CBFA2T2: variants seen among roughly 807,000 people sequenced by gnomAD.
CBFA2T2 encodes the protein CBFA2/RUNX1 partner transcriptional co-repressor 2.
A neutral mutation model predicts 62.2 loss-of-function variants in CBFA2T2; 11 were observed. The observed-to-expected ratio is 0.18, with a 90% CI of 0.11 to 0.29. The LOEUF is 0.29. Among genes scored for constraint, CBFA2T2 ranks in the 10% least tolerant of loss-of-function variants. The pLI, the probability that CBFA2T2 is intolerant of heterozygous loss-of-function variation, is 1.00. For missense variants in CBFA2T2, 592 were observed against 774.1 expected, an observed-to-expected ratio of 0.76 and a Z score of 2.79; for synonymous variants, 295 against 287.5, an observed-to-expected ratio of 1.03 and a Z score of -0.27.
chr20:33,538,860 T>A (rs536645381), intron 1 of CBFA2T2, among the ~76,000 whole-genome samples: 45 of 152,200 alleles, frequency 3.0e-4, no homozygotes, highest in Non-Finnish European at 6.0e-4. Context: ...TTTTTTTTTT[T>A]AATTAGTTAA....
At chr20:33,605,472 T>C (rs1229759353) in intron 1 of CBFA2T2, among the ~76,000 whole-genome samples, 1 of 152,224 alleles carries the variant, frequency 6.6e-6, no homozygotes, top group African/African-American at 2.4e-5. Context: ...CAAGTTCTCT[T>C]TGATAGGGAA....
rs148524370 is a variant in CBFA2T2 at position 33,510,559 on chromosome 20, G to A, written c.34+20258G>A. Among the ~76,000 whole-genome samples the A allele has an allele frequency of 2.8e-3, 427 of 152,180 alleles. 1 individual carries two copies. The highest frequency in any genetic ancestry group is 9.8e-3 in the African/African-American group (409 of 41,546). On this transcript the variant is annotated intron_variant, in intron 1 of 10. Coordinates refer to ENST00000342704, the MANE Select transcript of CBFA2T2 (RefSeq NM_001032999.3). ...ATTGATGGACATTTGGGTTGGTTCCGAGTCTTTGCTATTGTGAATAGTGCC... is the reference window on the plus strand; with the variant it reads ...ATTGATGGACATTTGGGTTGGTTCCAAGTCTTTGCTATTGTGAATAGTGCC...
intron 1 of CBFA2T2, among the ~76,000 whole-genome samples, chr20:33,546,045 C>T (rs1383760415): frequency 6.6e-6 from 1 of 152,146 alleles, no homozygotes; most frequent in Non-Finnish European, 1.5e-5. Context: ...TGCAAGCCTA[C>T]CATGTGGTAG....
intron 8 of CBFA2T2, among the ~76,000 whole-genome samples, chr20:33,633,243 A>G (rs1012126880): frequency 6.6e-6 from 1 of 152,044 alleles, no homozygotes; most frequent in Non-Finnish European, 1.5e-5. Flanking sequence ...ATGGTAGCAC[A>G]TGCCTGTACT....
Position 33,501,630 on chromosome 20 carries a change from C to CTTTTTTTTTTTTTT in CBFA2T2, c.34+11344_34+11357dup, listed in dbSNP as rs869281966. ...AGTTGAAACTATATTCTTAGCCTTC[C>CTTTTTTTTTTTTTT]TTTTTTTTTTTTTTTTTTTTTTTTT... is the stretch of plus-strand genomic sequence containing the variant. On this transcript the variant is annotated intron_variant, in intron 1 of 10. Transcript: ENST00000342704. Among the ~76,000 whole-genome samples, 13 of 63,262 alleles carry CTTTTTTTTTTTTTT rather than the reference C, an allele frequency of 2.1e-4. 3 individuals carry two copies. Among genetic ancestry groups the CTTTTTTTTTTTTTT allele is most frequent in the East Asian group, 1.2e-3 (2 of 1,616 alleles). 41.5% of individuals were successfully genotyped at this position (63,262 alleles called of 152,430 possible).
intron 1 of CBFA2T2, among the ~76,000 whole-genome samples, chr20:33,539,416 G>A (rs1177265465): frequency 6.6e-6 from 1 of 152,112 alleles, no homozygotes; most frequent in African/African-American, 2.4e-5. Flanking sequence ...CTCTTTTCAG[G>A]CCCTCTGCAT....
chr20:33,616,748 G>A (rs527480082), intron 3 of CBFA2T2, among the ~76,000 whole-genome samples: 9 of 151,710 alleles, frequency 5.9e-5, no homozygotes, highest in Admixed American at 2.6e-4. Context: ...AAAGATGTAA[G>A]CATTGGAGAA....
At chr20:33,538,334 A>T (rs1191118501) in intron 1 of CBFA2T2, among the ~76,000 whole-genome samples, 1 of 151,610 alleles carries the variant, frequency 6.6e-6, no homozygotes, top group East Asian at 1.9e-4. Flanking sequence ...ACTTATTTTA[A>T]TAGCTTTTTG....
chr20:33,539,979 T>C (rs1435511628), intron 1 of CBFA2T2, among the ~76,000 whole-genome samples: 5 of 152,122 alleles, frequency 3.3e-5, no homozygotes, highest in Non-Finnish European at 5.9e-5. Flanking sequence ...CCTGTTTGTT[T>C]TTTGGTCAGA....
chr20:33,643,816 TA>T (rs2016947281), intron 10 of CBFA2T2, among the ~76,000 whole-genome samples: 3 of 50,698 alleles, frequency 5.9e-5, no homozygotes, highest in African/African-American at 2.3e-4. Context: ...TATATATATA[TA>T]GTATATAATG....
intron 1 of CBFA2T2, among the ~76,000 whole-genome samples, chr20:33,564,951 G>A (rs761949619): frequency 2.0e-5 from 3 of 151,814 alleles, no homozygotes; most frequent in Non-Finnish European, 2.9e-5. Context: ...ACGGAGTCTC[G>A]CTCTGTCACC....
At chr20:33,519,294 G>GC (rs2011666227) in intron 1 of CBFA2T2, among the ~76,000 whole-genome samples, 2 of 151,906 alleles carry the variant, frequency 1.3e-5, no homozygotes, top group South Asian at 4.2e-4. Context: ...ACAAGGTGAA[G>GC]CCCCATTTCT....
At chr20:33,528,230 G>A (rs900672445) in intron 1 of CBFA2T2, among the ~76,000 whole-genome samples, 3 of 152,198 alleles carry the variant, frequency 2.0e-5, no homozygotes, top group East Asian at 3.8e-4. Context: ...ACTGTGATAT[G>A]TATAAGACAA....
chr20:33,643,777 A>AG (rs1275325301), intron 10 of CBFA2T2, among the ~76,000 whole-genome samples: 1 of 9,584 alleles, frequency 1.0e-4, no homozygotes, highest in African/African-American at 5.5e-4. Flanking sequence ...ATATATATAT[A>AG]TATATATATA....
chr20:33,630,862 A>G (rs1397999685), intron 8 of CBFA2T2, among the ~76,000 whole-genome samples: 1 of 152,184 alleles, frequency 6.6e-6, no homozygotes, highest in Non-Finnish European at 1.5e-5. Flanking sequence ...TTAATACAGT[A>G]TGTACAGACA....
At chr20:33,628,542 C>G (rs2016335951) in intron 7 of CBFA2T2, 107 bp downstream of exon 7, 1 of 750,406 alleles carries the variant, frequency 1.3e-6, no homozygotes, top group East Asian at 2.6e-5. Flanking sequence ...GATCTCAGTT[C>G]ACTGCAACTT....
At chr20:33,597,918 G>C (rs935193131) in intron 1 of CBFA2T2, among the ~76,000 whole-genome samples, 9 of 152,164 alleles carry the variant, frequency 5.9e-5, no homozygotes, top group Admixed American at 1.3e-4. Context: ...TAAAGGGACA[G>C]AGTACAAAAG....
At chr20:33,643,739 A>C (rs1206458861) in intron 10 of CBFA2T2, among the ~76,000 whole-genome samples, 1 of 96,248 alleles carries the variant, frequency 1.0e-5, no homozygotes. Flanking sequence ...CAACATGGCA[A>C]AACCTCATCT....
chr20:33,636,645 CAG>C lies in CBFA2T2; in HGVS notation c.1241_1242del (p.Glu414ValfsTer24). On this transcript the variant is annotated frameshift_variant, in exon 9 of 11. Transcript: ENST00000342704. LOFTEE classifies it high-confidence loss of function. ...GSADSLSNDS[Q>X]REFNSRPGTG... ...TTTTTATGTCTCTTCTGCAGATTCT[CAG>C]AGAGAGTTCAACAGCAGGCCAGGTA... The C allele has an allele frequency of 6.2e-7, 1 of 1,612,994 alleles. No individual in the cohort carries two copies. The highest frequency in any genetic ancestry group is 8.5e-7 in the Non-Finnish European group (1 of 1,179,174).
Sources: gnomAD v4.1 joint callset for allele counts (sites outside exome capture counted in the v4.1 genomes callset) on GRCh38, gnomAD v4.1.1 for gene constraint, MANE v1.5 for transcripts, NCBI Gene and HGNC (gene_info 2026-07-23, HGNC 2026-07-21) for gene names.